Variants in PCDH15 observed in about 807,000 individuals in gnomAD.
The protein encoded by PCDH15 is protocadherin-15.
PCDH15 carries 129 observed loss-of-function variants against 178.5 expected under a neutral mutation model. That is an observed-to-expected ratio of 0.72 (90% CI 0.63 to 0.84). The LOEUF is 0.84. Ranked by LOEUF, PCDH15 falls within the 40% of genes least tolerant of loss-of-function variation. The pLI, the probability that PCDH15 is intolerant of heterozygous loss-of-function variation, is 0.00. For synonymous variants in PCDH15, 800 were observed against 732.0 expected, an observed-to-expected ratio of 1.09 and a Z score of -1.50; for missense variants, 2,230 against 2,099.9, an observed-to-expected ratio of 1.06 and a Z score of -1.21.
intron 2 of PCDH15, among the ~76,000 whole-genome samples, chr10:54,663,573 A>G (rs1203284850): frequency 2.6e-5 from 4 of 151,230 alleles, no homozygotes; most frequent in Non-Finnish European, 5.9e-5. Flanking sequence ...ATTCTAAGGA[A>G]CCTGAAAATT....
chr10:54,397,555 T>C (rs926901684), intron 3 of PCDH15, among the ~76,000 whole-genome samples: 53 of 152,070 alleles, frequency 3.5e-4, no homozygotes, highest in Admixed American at 3.4e-3. Context: ...ATTAGTCAAG[T>C]TCTATTTTGG....
chr10:53,995,457 C>G (rs1035355490), intron 21 of PCDH15, 192 bp downstream of exon 21: 13 of 957,220 alleles, frequency 1.4e-5, no homozygotes, highest in Admixed American at 2.5e-5. Context: ...TATTCTTTGT[C>G]TAGGTTCAAT....
chr10:55,281,865 T>G, intron 1 of PCDH15, among the ~76,000 whole-genome samples: 1 of 151,974 alleles, frequency 6.6e-6, no homozygotes, highest in South Asian at 2.1e-4. Flanking sequence ...TTCCTTATAC[T>G]TTCTCTCCTT....
intron 2 of PCDH15, among the ~76,000 whole-genome samples, chr10:55,023,007 T>C (rs530763312): frequency 2.4e-3 from 365 of 152,154 alleles, no homozygotes; most frequent in African/African-American, 8.4e-3. Flanking sequence ...AGTGGCTCCA[T>C]CGCCGCTCAC....
At chr10:54,667,192 C>T (rs1290559618) in intron 1 of PCDH15, among the ~76,000 whole-genome samples, 1 of 151,894 alleles carries the variant, frequency 6.6e-6, no homozygotes, top group Non-Finnish European at 1.5e-5. Context: ...TTTTTTTACT[C>T]TTTCATCTAT....
intron 19 of PCDH15, among the ~76,000 whole-genome samples, chr10:54,021,616 G>A (rs1040251160): frequency 1.3e-5 from 2 of 151,502 alleles, no homozygotes; most frequent in Non-Finnish European, 2.9e-5. Context: ...TGCTTGGATA[G>A]CTCTTACTTG....
chr10:53,828,627 AT>A, intron 30 of PCDH15, 54 bp from the exon 31 acceptor site: 5 of 1,358,316 alleles, frequency 3.7e-6, no homozygotes, highest in Non-Finnish European at 5.3e-6. Flanking sequence ...GAACTATTGC[AT>A]TAATAACATT....
chr10:55,440,562 A>C (rs1261046800), intron 2 of PCDH15, among the ~76,000 whole-genome samples: 1 of 152,186 alleles, frequency 6.6e-6, no homozygotes, highest in Non-Finnish European at 1.5e-5. Flanking sequence ...AAAATATCTA[A>C]ATTCAGAAAA....
chr10:54,669,818 TG>T (rs2135488807), intron 1 of PCDH15, among the ~76,000 whole-genome samples: 1 of 151,614 alleles, frequency 6.6e-6, no homozygotes, highest in South Asian at 2.1e-4. Flanking sequence ...TTTGGGAGGT[TG>T]GGGAGCATAG....
intron 2 of PCDH15, among the ~76,000 whole-genome samples, chr10:55,578,768 A>C (rs1252462166): frequency 6.6e-6 from 1 of 152,146 alleles, no homozygotes; most frequent in African/African-American, 2.4e-5. Flanking sequence ...GGGGGAGCAA[A>C]GTCACATCTA....
chr10:54,161,215 A>G (rs747244186), intron 13 of PCDH15, among the ~76,000 whole-genome samples: 8 of 152,200 alleles, frequency 5.3e-5, no homozygotes, highest in Non-Finnish European at 1.0e-4. Flanking sequence ...ACTCAAAGAA[A>G]CAGATATATA....
intron 3 of PCDH15, among the ~76,000 whole-genome samples, chr10:54,853,460 CAT>C (rs71888268): frequency 0.24 from 34,186 of 140,264 alleles, 4,822 homozygotes; most frequent in Non-Finnish European, 0.32. Context: ...TATACACATA[CAT>C]ATATATATAT....
intron 2 of PCDH15, among the ~76,000 whole-genome samples, chr10:55,052,960 T>C (rs1457216681): frequency 3.3e-5 from 5 of 152,096 alleles, no homozygotes; most frequent in Non-Finnish European, 7.4e-5. Context: ...AAATTGAACA[T>C]TTCAGGGAAG....
Position 53,957,946 on chromosome 10 carries a change from C to A in PCDH15, c.3122+1786G>T, listed in dbSNP as rs149390162. 1.9e-3 allele frequency among the ~76,000 whole-genome samples: 285 copies of A among 152,230 alleles called. 1 individual carries two copies. Among genetic ancestry groups the A allele is most frequent in the African/African-American group, 6.5e-3 (272 of 41,560 alleles). ...GGTTTACATCTCGATGATTTACATACATGCTATGGAAGATTTTCTGGTAAT... is the reference window on the plus strand; with the variant it reads ...GGTTTACATCTCGATGATTTACATAAATGCTATGGAAGATTTTCTGGTAAT... On this transcript the variant is annotated intron_variant, in intron 23 of 37. Transcript: ENST00000644397.
At chr10:54,211,307 G>A (rs1158919031) in intron 10 of PCDH15, among the ~76,000 whole-genome samples, 1 of 152,168 alleles carries the variant, frequency 6.6e-6, no homozygotes, top group South Asian at 2.1e-4. Flanking sequence ...GTACTGCCCT[G>A]GGTAAACCAA....
intron 1 of PCDH15, among the ~76,000 whole-genome samples, chr10:55,244,447 G>T (rs544397778): frequency 1.3e-5 from 2 of 152,026 alleles, no homozygotes; most frequent in East Asian, 1.9e-4. Context: ...AGGAAATACT[G>T]GACAAACATG....
intron 8 of PCDH15, among the ~76,000 whole-genome samples, chr10:54,292,221 C>T (rs892577630): frequency 6.6e-6 from 1 of 152,086 alleles, no homozygotes; most frequent in Non-Finnish European, 1.5e-5. Flanking sequence ...TGACAAAAAC[C>T]ACATGATTAT....
chr10:54,931,969 T>G (rs1388928521), intron 2 of PCDH15, among the ~76,000 whole-genome samples: 1 of 152,184 alleles, frequency 6.6e-6, no homozygotes, highest in East Asian at 1.9e-4. Flanking sequence ...CACACTCCAC[T>G]TAGACTGTAC....
In PCDH15 at chr10:54,816,856, A is replaced by C. The variant is rs919323692; in HGVS notation, c.-29+80594T>G. Among the ~76,000 whole-genome samples, 9 of 152,176 alleles carry C rather than the reference A, an allele frequency of 5.9e-5. No individual in the cohort carries two copies. In the East Asian group the frequency reaches 1.7e-3, roughly 29 times the overall value. On this transcript the variant is annotated intron_variant, in intron 3 of 5. Transcript: ENST00000458638. Reference sequence around the variant, plus strand: ...GTCACTATCTAATGGTATGAAATACAACAGTTTTGAGCTACATTGACCTTA... The same window carrying C: ...GTCACTATCTAATGGTATGAAATACCACAGTTTTGAGCTACATTGACCTTA...
Sources: allele counts gnomAD v4.1 joint callset (sites outside exome capture counted in the v4.1 genomes callset), GRCh38; gene constraint gnomAD v4.1.1; transcripts MANE v1.5; gene names NCBI Gene and HGNC (gene_info 2026-07-23, HGNC 2026-07-21).